Variants in KLF5 observed in about 807,000 individuals in gnomAD.
The protein encoded by KLF5 is Krueppel-like factor 5.
Under a neutral mutation model 36.9 loss-of-function variants are expected in KLF5, and 9 were observed. The observed-to-expected ratio is 0.24, with a 90% CI of 0.15 to 0.43. The LOEUF is 0.43. Ranked by LOEUF, KLF5 falls within the 20% of genes least tolerant of loss-of-function variation. The pLI, the probability that KLF5 is intolerant of heterozygous loss-of-function variation, is 1.00. For synonymous variants in KLF5, 246 were observed against 241.7 expected (o/e 1.02, Z -0.17); for missense variants, 524 against 599.5 (o/e 0.87, Z 1.31).
chr13:73,059,639 T>C, intron 1 of KLF5, 51 bp downstream of exon 1: 1 of 1,126,160 alleles, frequency 8.9e-7, no homozygotes, highest in Non-Finnish European at 1.1e-6. Context: ...CTCGGGCGTG[T>C]CCCGTTGCTG....
chr13:73,061,088 TAGC>T (rs2044631689), intron 1 of KLF5, among the ~76,000 whole-genome samples: 1 of 152,102 alleles, frequency 6.6e-6, no homozygotes, highest in African/African-American at 2.4e-5. Flanking sequence ...ACGGGCTCCT[TAGC>T]AGCACTCTAC....
At chr13:73,066,062 A>G (rs1259069390) in intron 3 of KLF5, among the ~76,000 whole-genome samples, 2 of 152,234 alleles carry the variant, frequency 1.3e-5, no homozygotes, top group East Asian at 3.8e-4. Flanking sequence ...GTGGCCTTCA[A>G]CATCTAATGA....
upstream of KLF5, chr13:73,058,767 G>A (rs2044602436): frequency 6.6e-6 from 1 of 152,432 alleles, no homozygotes; most frequent in Non-Finnish European, 1.5e-5. Context: ...AGCCCAATCT[G>A]TCAGAGAAGT....
chr13:73,068,470 G>A (rs1159939588), intron 3 of KLF5, among the ~76,000 whole-genome samples: 8 of 152,220 alleles, frequency 5.3e-5, no homozygotes, highest in Admixed American at 4.6e-4. Flanking sequence ...TTGGGAGGCC[G>A]AAGCAGGTGG....
intron 3 of KLF5, among the ~76,000 whole-genome samples, chr13:73,068,812 G>A (rs1566565604): frequency 6.6e-6 from 1 of 151,726 alleles, no homozygotes. Context: ...ATAATATTTG[G>A]CTGGGCGCGG....
At chr13:73,075,582 A>C in intron 3 of KLF5, 126 bp from the exon 4 acceptor site, 6 of 727,464 alleles carry the variant, frequency 8.2e-6, no homozygotes, top group Non-Finnish European at 1.4e-5. Flanking sequence ...CTCATAATGG[A>C]ATTCATGAGC....
intron 3 of KLF5, among the ~76,000 whole-genome samples, chr13:73,068,096 C>T (rs750060844): frequency 4.5e-4 from 68 of 152,140 alleles, no homozygotes; most frequent in Non-Finnish European, 9.0e-4. Flanking sequence ...CCGCCCCAGC[C>T]TCCCAAAGTG....
Position 73,063,879 on chromosome 13 carries a change from C to A in KLF5, c.1191C>A (p.His397Gln). 6.3e-7 allele frequency: 1 copy of A among 1,592,216 alleles called. No homozygotes were observed. The highest frequency in any genetic ancestry group is 8.6e-7 in the Non-Finnish European group (1 of 1,160,358). ...ATTTAAAAGCTCACCTGAGGACTCA[C>A]ACTGGTATGTAATTTTCTTGTTAAT... ...SSHLKAHLRT[H>Q]TGEKPYKCTW... The change falls in exon 3 of 4, where the codon CAC becomes CAA. Residue 397 changes from histidine to glutamine, a missense_variant. His to Gln is a conservative substitution (Grantham distance 24). Transcript: ENST00000377687.
In KLF5 at chr13:73,076,570, T is replaced by A. The variant is rs183010963; in HGVS notation, c.*684T>A. The A allele has an allele frequency of 6.6e-6, 1 of 152,486 alleles. No individual in the cohort carries two copies. Among genetic ancestry groups the A allele is most frequent in the Non-Finnish European group, 1.5e-5 (1 of 68,028 alleles). 9.4% of individuals were successfully genotyped at this position (152,486 alleles called of 1,614,324 possible). Reference sequence around the variant, plus strand: ...TTTGTGGTAAGGTACCTCTCAACATTACCAAAATCATTTCTTTAGAGGGAA... The same window carrying A: ...TTTGTGGTAAGGTACCTCTCAACATAACCAAAATCATTTCTTTAGAGGGAA... On this transcript the variant is annotated 3_prime_UTR_variant, in exon 4 of 4. Coordinates refer to ENST00000377687, the MANE Select transcript of KLF5 (RefSeq NM_001730.5).
Position 73,076,881 on chromosome 13 carries a change from G to A in KLF5, c.*995G>A, listed in dbSNP as rs545044880. 1 of 152,210 alleles carries A rather than the reference G, an allele frequency of 6.6e-6. No individual in the cohort carries two copies. Among genetic ancestry groups the A allele is most frequent in the South Asian group, 2.1e-4 (1 of 4,824 alleles). The allele number at this position is 152,210 out of a possible 1,614,324, so 9.4% of individuals were successfully genotyped here. A position where few individuals can be genotyped will look rare whatever the true frequency, so the allele number is the denominator to read the frequency against. On this transcript the variant is annotated 3_prime_UTR_variant, in exon 4 of 4. Transcript: ENST00000377687. ...GCAGTTTTCATATATCGAGATGTTCGCTCGTGCAGTACTGTTGGTTAAATG... is the reference window on the plus strand; with the variant it reads ...GCAGTTTTCATATATCGAGATGTTCACTCGTGCAGTACTGTTGGTTAAATG...
At chr13:73,073,365 TG>T (rs2044735880) in intron 3 of KLF5, among the ~76,000 whole-genome samples, 1 of 152,214 alleles carries the variant, frequency 6.6e-6, no homozygotes, top group African/African-American at 2.4e-5. Flanking sequence ...GTAGTATTCT[TG>T]GCTGAATACT....
intron 3 of KLF5, among the ~76,000 whole-genome samples, chr13:73,074,492 T>C (rs191609991): frequency 1.7e-3 from 258 of 152,320 alleles, no homozygotes; most frequent in Admixed American, 2.5e-3. Context: ...CGAATTCTTA[T>C]AAAAAATTCA....
chr13:73,065,474 G>C (rs112624252), intron 3 of KLF5, among the ~76,000 whole-genome samples: 1 of 152,088 alleles, frequency 6.6e-6, no homozygotes, highest in Non-Finnish European at 1.5e-5. Flanking sequence ...TGAAATGAGC[G>C]GGCTGTTTTG....
At position 73,059,071 on chromosome 13, in the gene KLF5, C is replaced by T. The variant is rs979953643; in HGVS notation, c.-257C>T. 2.9e-6 allele frequency: 1 copy of T among 340,126 alleles called. No homozygotes were observed. 21.1% of individuals were successfully genotyped at this position (340,126 alleles called of 1,614,324 possible). A position where few individuals can be genotyped will look rare whatever the true frequency, so the allele number is the denominator to read the frequency against. Reference sequence around the variant, plus strand: ...GGTCGGCGGTGGCGGGAGCGGGCTCCGGAGAGCCTGAGAGCACGGTGGGGC... The same window carrying T: ...GGTCGGCGGTGGCGGGAGCGGGCTCTGGAGAGCCTGAGAGCACGGTGGGGC... On this transcript the variant is annotated 5_prime_UTR_variant, in exon 1 of 4. Coordinates refer to ENST00000377687, the MANE Select transcript of KLF5 (RefSeq NM_001730.5).
rs777384829 is a variant in KLF5, at chr13:73,062,213, A to G, written c.614A>G (p.Asn205Ser). ...SHQTAAPEVN[N>S]IFIKQELPTP... ...CAGACCGCAGCTCCAGAGGTGAACA[A>G]TATTTTCATCAAACAAGAACTTCCT... is the stretch of plus-strand genomic sequence containing the variant. Residue 205 changes from asparagine (N) to serine (S), a missense_variant, in exon 2 of 4, where the codon AAT (asparagine) becomes AGT (serine). Transcript: ENST00000377687. 1.9e-6 allele frequency: 3 copies of G among 1,614,186 alleles called. No homozygotes were observed. The Admixed American group carries it at 5.0e-5, about 27-fold the overall frequency.
intron 1 of KLF5, 141 bp downstream of exon 1, chr13:73,059,729 C>G: frequency 1.1e-6 from 1 of 884,968 alleles, no homozygotes. Flanking sequence ...TGGGCAGCCC[C>G]GCCCTGCACG....
chr13:73,073,515 A>C (rs2044736909), intron 3 of KLF5, among the ~76,000 whole-genome samples: 1 of 152,086 alleles, frequency 6.6e-6, no homozygotes, highest in South Asian at 2.1e-4. Flanking sequence ...AAAAATAGTG[A>C]ACAAAAAGAG....
intron 3 of KLF5, among the ~76,000 whole-genome samples, chr13:73,075,393 G>C (rs1447279148): frequency 6.6e-6 from 1 of 152,176 alleles, no homozygotes. Flanking sequence ...CTGGATTTAT[G>C]TGTGTAGGAG....
At position 73,075,978 on chromosome 13, in the gene KLF5, AGC is replaced by A. The variant is rs1340151250; in HGVS notation, c.*93_*94del. 318 of 1,075,264 alleles carry A rather than the reference AGC, an allele frequency of 3.0e-4. 3 individuals are homozygous for A. In the African/African-American group the frequency reaches 3.7e-3, roughly 13 times the overall value. The allele number at this position is 1,075,264 out of a possible 1,614,324, so 66.6% of individuals were successfully genotyped here. ...TGTAAAAACAACAAAAACAAACAAA[AGC>A]AAGAAAACCACAACTAAAACTGGAA... On this transcript the variant is annotated 3_prime_UTR_variant, in exon 4 of 4. Transcript: ENST00000377687.
Sources: gnomAD v4.1 joint callset for allele counts (sites outside exome capture counted in the v4.1 genomes callset) on GRCh38, gnomAD v4.1.1 for gene constraint, MANE v1.5 for transcripts, NCBI Gene and HGNC (gene_info 2026-07-23, HGNC 2026-07-21) for gene names.